Variants in KCNB2 observed in about 807,000 individuals in gnomAD.
KCNB2 encodes delayed rectifier potassium channel protein.
A neutral mutation model predicts 61.5 loss-of-function variants in KCNB2; 15 were observed. That is an observed-to-expected ratio of 0.24 (90% CI 0.16 to 0.38). The LOEUF (loss-of-function observed/expected upper bound fraction) is 0.38. Ranked by LOEUF, KCNB2 falls within the 10% of genes least tolerant of loss-of-function variation. The pLI, the probability that KCNB2 is intolerant of heterozygous loss-of-function variation, is 1.00. For missense variants in KCNB2, 828 were observed against 1,125.2 expected (o/e 0.74, Z 3.78); for synonymous variants, 457 against 446.0 (o/e 1.02, Z -0.31).
At chr8:72,553,200 A>G (rs567877000) in intron 1 of KCNB2, among the ~76,000 whole-genome samples, 1 of 152,304 alleles carries the variant, frequency 6.6e-6, no homozygotes, top group East Asian at 1.9e-4. Context: ...TAATTTCAAT[A>G]TCAATATATG....
intron 2 of KCNB2, among the ~76,000 whole-genome samples, chr8:72,773,997 A>G (rs1447270719): frequency 6.6e-6 from 1 of 152,214 alleles, no homozygotes; most frequent in Non-Finnish European, 1.5e-5. Flanking sequence ...AGTAACAATA[A>G]TAACAATAAT....
At chr8:72,909,439 C>G (rs2129007282) in intron 2 of KCNB2, among the ~76,000 whole-genome samples, 1 of 152,104 alleles carries the variant, frequency 6.6e-6, no homozygotes, top group South Asian at 2.1e-4. Flanking sequence ...CAGGAAGGCA[C>G]AGGGGCAAAA....
chr8:72,887,251 T>G (rs1425078152), intron 2 of KCNB2, among the ~76,000 whole-genome samples: 4 of 152,202 alleles, frequency 2.6e-5, no homozygotes, highest in African/African-American at 9.6e-5. Flanking sequence ...CATCACACCT[T>G]GTACAGTTTT....
intron 2 of KCNB2, among the ~76,000 whole-genome samples, chr8:72,787,334 C>T (rs547256494): frequency 1.4e-3 from 215 of 151,948 alleles, no homozygotes; most frequent in African/African-American, 4.5e-3. Flanking sequence ...GAGTTTGAAG[C>T]TGAAGTAAGC....
chr8:72,882,551 G>GAGAGAGAGAGAA (rs1563412318), intron 2 of KCNB2, among the ~76,000 whole-genome samples: 2 of 150,612 alleles, frequency 1.3e-5, no homozygotes, highest in African/African-American at 4.9e-5. Flanking sequence ...GAGAGAGAGA[G>GAGAGAGAGAGAA]AGAGAATGTG....
At chr8:72,610,135 T>A (rs1446849752) in intron 2 of KCNB2, among the ~76,000 whole-genome samples, 1 of 152,164 alleles carries the variant, frequency 6.6e-6, no homozygotes, top group Non-Finnish European at 1.5e-5. Flanking sequence ...AATCAATGAA[T>A]AGAAAAGGAT....
intron 2 of KCNB2, among the ~76,000 whole-genome samples, chr8:72,649,636 A>T (rs1220503380): frequency 6.6e-6 from 1 of 152,196 alleles, no homozygotes; most frequent in Non-Finnish European, 1.5e-5. Flanking sequence ...TTCCACTATC[A>T]TCAATGAGAA....
intron 2 of KCNB2, among the ~76,000 whole-genome samples, chr8:72,896,256 G>A (rs1053619039): frequency 6.6e-6 from 1 of 152,136 alleles, no homozygotes; most frequent in African/African-American, 2.4e-5. Context: ...ATATAAGTTA[G>A]AGGAGGATAC....
In KCNB2 at chr8:72,937,782, T is replaced by C; in HGVS notation, c.2427T>C (p.Thr809=). The C allele has an allele frequency of 1.2e-6, 2 of 1,613,944 alleles. No individual in the cohort carries two copies. The highest frequency in any genetic ancestry group is 1.7e-6 in the Non-Finnish European group (2 of 1,179,992). The part of the protein sequence containing the change: ...RERRSFTEID[T]GDDEDFLELP... ...GGAGGAGCTTCACTGAAATAGATAC[T>C]GGTGACGACGAAGACTTCTTAGAGC... Residue 809 remains threonine (T), a synonymous_variant, in exon 3 of 3, where the codon ACT becomes ACC. Transcript: ENST00000523207.
At chr8:72,819,815 C>T (rs1809462936) in intron 2 of KCNB2, among the ~76,000 whole-genome samples, 1 of 152,158 alleles carries the variant, frequency 6.6e-6, no homozygotes. Flanking sequence ...TTATTCTCAT[C>T]TATGTATTCC....
At chr8:72,887,041 G>A (rs1266171894) in intron 2 of KCNB2, among the ~76,000 whole-genome samples, 1 of 152,140 alleles carries the variant, frequency 6.6e-6, no homozygotes, top group Non-Finnish European at 1.5e-5. Context: ...TTCTGTTTAT[G>A]GTTGATCTGT....
At chr8:72,766,964 C>T (rs1284914683) in intron 2 of KCNB2, among the ~76,000 whole-genome samples, 2 of 152,098 alleles carry the variant, frequency 1.3e-5, no homozygotes, top group African/African-American at 2.4e-5. Flanking sequence ...GCACTTCTTA[C>T]ATGGCAGCAG....
chr8:72,581,582 G>A lies in KCNB2; in HGVS notation c.579+13269G>A, dbSNP rs185318397. ...GGACTAAATAGCATAGATAGAGGTT[G>A]GGTATCTGATTCTAGCGATTAGACC... is the stretch of plus-strand genomic sequence containing the variant. On this transcript the variant is annotated intron_variant, in intron 2 of 2. Transcript: ENST00000523207. 1.1e-3 allele frequency among the ~76,000 whole-genome samples: 162 copies of A among 152,312 alleles called. 1 individual carries two copies. Among genetic ancestry groups the A allele is most frequent in the African/African-American group, 3.8e-3 (157 of 41,586 alleles).
intron 2 of KCNB2, among the ~76,000 whole-genome samples, chr8:72,640,704 A>T (rs1307486204): frequency 6.6e-6 from 1 of 152,096 alleles, no homozygotes; most frequent in Non-Finnish European, 1.5e-5. Flanking sequence ...ATTAGGAAAA[A>T]GGAGTTTAAT....
At chr8:72,896,388 G>A (rs1805989231) in intron 2 of KCNB2, among the ~76,000 whole-genome samples, 1 of 152,048 alleles carries the variant, frequency 6.6e-6, no homozygotes, top group Admixed American at 6.6e-5. Flanking sequence ...ACATGGCTAT[G>A]AGCACAGTAT....
At chr8:72,584,976 T>C (rs903932168) in intron 2 of KCNB2, among the ~76,000 whole-genome samples, 3 of 152,166 alleles carry the variant, frequency 2.0e-5, no homozygotes, top group Admixed American at 2.0e-4. Context: ...CTCTGGAGCC[T>C]CACCTTGCTG....
chr8:72,806,092 G>A (rs1809214665), intron 2 of KCNB2, among the ~76,000 whole-genome samples: 1 of 152,170 alleles, frequency 6.6e-6, no homozygotes, highest in South Asian at 2.1e-4. Context: ...AGACATGGTG[G>A]CTCACGCCTG....
At chr8:72,555,652 T>C (rs1380354916) in intron 1 of KCNB2, among the ~76,000 whole-genome samples, 1 of 151,988 alleles carries the variant, frequency 6.6e-6, no homozygotes, top group African/African-American at 2.4e-5. Flanking sequence ...AATTTTTTTT[T>C]TGGCATTTCA....
At chr8:72,796,064 T>A (rs1329561324) in intron 2 of KCNB2, among the ~76,000 whole-genome samples, 1 of 152,178 alleles carries the variant, frequency 6.6e-6, no homozygotes, top group Non-Finnish European at 1.5e-5. Flanking sequence ...TCTTACATAA[T>A]AAATAGATCA....
Sources: gnomAD v4.1 joint callset for allele counts (sites outside exome capture counted in the v4.1 genomes callset) on GRCh38, gnomAD v4.1.1 for gene constraint, MANE v1.5 for transcripts, NCBI Gene and HGNC (gene_info 2026-07-23, HGNC 2026-07-21) for gene names.